Variants in CNTNAP2 observed in about 807,000 individuals in gnomAD.
The protein encoded by CNTNAP2 is contactin associated protein 2.
A neutral mutation model predicts 155.2 loss-of-function variants in CNTNAP2; 98 were observed. The ratio of observed to expected loss-of-function variants is 0.63; its 90% confidence interval spans 0.54 to 0.75. The LOEUF is 0.75. Ranked by LOEUF, CNTNAP2 falls within the 30% of genes least tolerant of loss-of-function variation. The probability of loss-of-function intolerance (pLI) is 0.00; values close to 1 mark genes in which losing one functional copy is unlikely to be tolerated. For missense variants in CNTNAP2, 1,727 were observed against 1,688.1 expected (o/e 1.02, Z -0.40); for synonymous variants, 651 against 631.2 (o/e 1.03, Z -0.47).
At chr7:148,298,382 G>C (rs893453416) in intron 21 of CNTNAP2, among the ~76,000 whole-genome samples, 2 of 152,148 alleles carry the variant, frequency 1.3e-5, no homozygotes, top group African/African-American at 2.4e-5. Flanking sequence ...TTCTAGGCTG[G>C]GGCAACGGGA....
intron 1 of CNTNAP2, among the ~76,000 whole-genome samples, chr7:146,770,352 A>G (rs1450224587): frequency 6.8e-6 from 1 of 147,374 alleles, no homozygotes; most frequent in Non-Finnish European, 1.5e-5. Flanking sequence ...ACACACACAT[A>G]TACATATAAT....
intron 1 of CNTNAP2, among the ~76,000 whole-genome samples, chr7:146,760,197 A>G (rs892201300): frequency 6.6e-6 from 1 of 152,104 alleles, no homozygotes; most frequent in Non-Finnish European, 1.5e-5. Flanking sequence ...GCCCAAATCC[A>G]TATTTTATGG....
chr7:146,796,927 G>A (rs983826994), intron 2 of CNTNAP2, among the ~76,000 whole-genome samples: 3 of 152,064 alleles, frequency 2.0e-5, no homozygotes, highest in African/African-American at 7.2e-5. Flanking sequence ...ACGAGGTCAG[G>A]AGATCGAGAC....
chr7:146,249,260 T>G (rs1799718762), intron 1 of CNTNAP2, among the ~76,000 whole-genome samples: 1 of 152,248 alleles, frequency 6.6e-6, no homozygotes, highest in Admixed American at 6.5e-5. Context: ...GTATAATTAT[T>G]AAAATATTCA....
intron 15 of CNTNAP2, among the ~76,000 whole-genome samples, chr7:148,078,460 A>AT (rs897953531): frequency 3.3e-5 from 5 of 151,804 alleles, no homozygotes; most frequent in Admixed American, 2.0e-4. Context: ...TATTTTTAAC[A>AT]TTTTTTTTAC....
chr7:146,119,372 G>A (rs968653970), intron 1 of CNTNAP2, among the ~76,000 whole-genome samples: 8 of 151,878 alleles, frequency 5.3e-5, no homozygotes, highest in African/African-American at 1.9e-4. Context: ...TTTCTCTGTC[G>A]ACAGACATAT....
intron 21 of CNTNAP2, among the ~76,000 whole-genome samples, chr7:148,366,604 A>T (rs17523814): frequency 0.081 from 12,321 of 152,328 alleles, 675 homozygotes; most frequent in Non-Finnish European, 0.12. Context: ...GGCAGATAGC[A>T]TCACGGCTAA....
At chr7:146,700,293 G>A (rs1016545805) in intron 1 of CNTNAP2, among the ~76,000 whole-genome samples, 12 of 152,056 alleles carry the variant, frequency 7.9e-5, no homozygotes, top group African/African-American at 2.9e-4. Context: ...TTCAAAGGGG[G>A]CAGTGGTTTG....
At chr7:147,437,120 C>G (rs1797562843) in intron 10 of CNTNAP2, among the ~76,000 whole-genome samples, 1 of 151,916 alleles carries the variant, frequency 6.6e-6, no homozygotes, top group East Asian at 1.9e-4. Flanking sequence ...AATCACGGAA[C>G]TAGTATGTGG....
chr7:146,444,018 T>G (rs1376383843), intron 1 of CNTNAP2, among the ~76,000 whole-genome samples: 3 of 152,162 alleles, frequency 2.0e-5, no homozygotes, highest in African/African-American at 7.2e-5. Context: ...TAGTTGGTAT[T>G]TATCATGTTA....
At chr7:148,242,321 C>T (rs1796172576) in intron 20 of CNTNAP2, among the ~76,000 whole-genome samples, 1 of 152,212 alleles carries the variant, frequency 6.6e-6, no homozygotes, top group Non-Finnish European at 1.5e-5. Context: ...AAGTGTATCT[C>T]AACATGCGGT....
intron 10 of CNTNAP2, among the ~76,000 whole-genome samples, chr7:147,439,929 T>C (rs1584949147): frequency 6.6e-6 from 1 of 152,088 alleles, no homozygotes; most frequent in East Asian, 1.9e-4. Context: ...TGGCGTGGAA[T>C]ATCTTTTTCC....
intron 3 of CNTNAP2, among the ~76,000 whole-genome samples, chr7:146,916,866 T>C (rs1796405306): frequency 1.3e-5 from 2 of 152,084 alleles, no homozygotes; most frequent in Non-Finnish European, 2.9e-5. Context: ...TGAGTTTGGG[T>C]TTGGTTTGTT....
At chr7:146,707,037 T>C (rs1328641714) in intron 1 of CNTNAP2, among the ~76,000 whole-genome samples, 1 of 152,120 alleles carries the variant, frequency 6.6e-6, no homozygotes, top group African/African-American at 2.4e-5. Flanking sequence ...CAGTGAAAAT[T>C]AGCCACGTCG....
intron 9 of CNTNAP2, among the ~76,000 whole-genome samples, chr7:147,323,563 G>T (rs1795394171): frequency 6.6e-6 from 1 of 151,676 alleles, no homozygotes; most frequent in Non-Finnish European, 1.5e-5. Context: ...GTTGATTTGG[G>T]GTGGAGAGTT....
intron 1 of CNTNAP2, among the ~76,000 whole-genome samples, chr7:146,170,083 G>A (rs1032665772): frequency 1.3e-5 from 2 of 149,452 alleles, no homozygotes; most frequent in Admixed American, 6.7e-5. Flanking sequence ...CTGGAGTGCA[G>A]TGGTGCCATC....
At chr7:146,271,311 T>C (rs1194077156) in intron 1 of CNTNAP2, among the ~76,000 whole-genome samples, 1 of 152,058 alleles carries the variant, frequency 6.6e-6, no homozygotes, top group Non-Finnish European at 1.5e-5. Flanking sequence ...ATGATACTTA[T>C]ATGGTTTTAT....
intron 1 of CNTNAP2, among the ~76,000 whole-genome samples, chr7:146,685,301 A>C (rs1800576916): frequency 6.6e-6 from 1 of 152,138 alleles, no homozygotes; most frequent in Admixed American, 6.6e-5. Flanking sequence ...ATGCAACTTG[A>C]AACATTCCTA....
intron 10 of CNTNAP2, among the ~76,000 whole-genome samples, chr7:147,403,771 A>T (rs189514248): frequency 6.6e-6 from 1 of 152,278 alleles, no homozygotes; most frequent in Non-Finnish European, 1.5e-5. Flanking sequence ...AACCTACTTT[A>T]TATGATAATT....
Sources: allele counts gnomAD v4.1 joint callset (sites outside exome capture counted in the v4.1 genomes callset), GRCh38; gene constraint gnomAD v4.1.1; transcripts MANE v1.5; gene names NCBI Gene and HGNC (gene_info 2026-07-23, HGNC 2026-07-21).